Variants in PRPF18 observed in about 807,000 individuals in gnomAD.
PRPF18 encodes the protein pre-mRNA processing factor 18, also known as pre-mRNA-splicing factor 18.
Under a neutral mutation model 46.5 loss-of-function variants are expected in PRPF18, and 38 were observed. That is an observed-to-expected ratio of 0.82 (90% CI 0.63 to 1.07). PRPF18 has a LOEUF of 1.07. PRPF18 is among the 50% of genes least tolerant of loss of function. The pLI, the probability that PRPF18 is intolerant of heterozygous loss-of-function variation, is 0.00. For missense variants in PRPF18, 263 were observed against 410.0 expected, an observed-to-expected ratio of 0.64 and a Z score of 3.10; for synonymous variants, 152 against 146.7, an observed-to-expected ratio of 1.04 and a Z score of -0.26.
At chr10:13,599,757 C>T (rs573390585) in intron 2 of PRPF18, among the ~76,000 whole-genome samples, 57 of 152,246 alleles carry the variant, frequency 3.7e-4, no homozygotes, top group Middle Eastern at 3.4e-3. Flanking sequence ...TGGAATAATA[C>T]GTTTTGAAAA....
downstream of PRPF18, among the ~76,000 whole-genome samples, chr10:13,635,451 G>T (rs566222923): frequency 3.3e-4 from 50 of 152,284 alleles, no homozygotes; most frequent in African/African-American, 1.2e-3. Flanking sequence ...ACTGTCTCTA[G>T]GTCTTTGAAA....
At chr10:13,612,718 G>A (rs544839781) in intron 6 of PRPF18, among the ~76,000 whole-genome samples, 2 of 139,398 alleles carry the variant, frequency 1.4e-5, no homozygotes, top group South Asian at 2.3e-4. Flanking sequence ...CTGTAACCTT[G>A]AAATCCTGGG....
At chr10:13,628,583 AT>A (rs2080545473) in intron 9 of PRPF18, among the ~76,000 whole-genome samples, 1 of 151,784 alleles carries the variant, frequency 6.6e-6, no homozygotes, top group African/African-American at 2.4e-5. Flanking sequence ...TTTTCTGAAT[AT>A]TTTTTAACCA....
At chr10:13,651,993 G>C in the PRPF18 span, 1 of 1,413,658 alleles carries the variant, frequency 7.1e-7, no homozygotes, top group Non-Finnish European at 1.0e-6. Context: ...AGGAAAGCAG[G>C]AGGAGGAAGA....
At chr10:13,596,317 T>A (rs2080034721) in intron 1 of PRPF18, among the ~76,000 whole-genome samples, 1 of 152,208 alleles carries the variant, frequency 6.6e-6, no homozygotes, top group Non-Finnish European at 1.5e-5. Flanking sequence ...GCTGGGTAAT[T>A]CCTGTAGTAT....
intron 9 of PRPF18, among the ~76,000 whole-genome samples, chr10:13,620,266 A>C (rs187643154): frequency 2.6e-5 from 4 of 152,344 alleles, no homozygotes; most frequent in Admixed American, 6.5e-5. Flanking sequence ...TGTTCCAGTA[A>C]AACCATGTAG....
chr10:13,599,872 A>G (rs1042050358), intron 2 of PRPF18, among the ~76,000 whole-genome samples: 4 of 152,252 alleles, frequency 2.6e-5, no homozygotes, highest in South Asian at 2.1e-4. Context: ...ACCCTGCAAG[A>G]CAATTTAAAG....
chr10:13,624,707 T>A (rs1407360756), intron 9 of PRPF18, among the ~76,000 whole-genome samples: 2 of 152,220 alleles, frequency 1.3e-5, no homozygotes, highest in African/African-American at 4.8e-5. Context: ...CTTTCACCCC[T>A]CAGTTAGTAA....
At chr10:13,588,650 C>T (rs1251999949) in intron 1 of PRPF18, among the ~76,000 whole-genome samples, 1 of 152,042 alleles carries the variant, frequency 6.6e-6, no homozygotes, top group African/African-American at 2.4e-5. Context: ...TATTCCTCCT[C>T]CTTCTCTCTT....
At chr10:13,620,806 A>C (rs2080410827) in intron 9 of PRPF18, among the ~76,000 whole-genome samples, 1 of 152,236 alleles carries the variant, frequency 6.6e-6, no homozygotes, top group African/African-American at 2.4e-5. Flanking sequence ...GGTTTTATGC[A>C]AACCTCTGTA....
chr10:13,610,621 G>A (rs967646921), intron 5 of PRPF18, among the ~76,000 whole-genome samples: 36 of 152,168 alleles, frequency 2.4e-4, no homozygotes, highest in Middle Eastern at 3.4e-3. Context: ...CATGTGTTAC[G>A]CCATTCACTG....
intron 1 of PRPF18, chr10:13,592,149 C>T (rs1589116240): frequency 1.3e-5 from 8 of 606,024 alleles, no homozygotes; most frequent in South Asian, 4.4e-5. Context: ...CATAGCACAT[C>T]GGGAATACCT....
the PRPF18 span, chr10:13,652,108 C>CAGATCATACA: frequency 1.4e-6 from 1 of 692,696 alleles, no homozygotes; most frequent in African/African-American, 1.7e-5. Flanking sequence ...GAGTTAGCAA[C>CAGATCATACA]AGATCATACA....
intron 4 of PRPF18, among the ~76,000 whole-genome samples, chr10:13,607,229 T>C (rs1034947790): frequency 6.6e-6 from 1 of 151,652 alleles, no homozygotes; most frequent in Non-Finnish European, 1.5e-5. Flanking sequence ...GTAGCTGGGA[T>C]TACAGGCGCT....
chr10:13,637,547 C>T, the PRPF18 span, among the ~76,000 whole-genome samples: 1 of 152,092 alleles, frequency 6.6e-6, no homozygotes, highest in Non-Finnish European at 1.5e-5. Flanking sequence ...TTTTTTCTGA[C>T]TGATTTATAG....
intron 9 of PRPF18, among the ~76,000 whole-genome samples, chr10:13,620,314 C>A (rs750839785): frequency 9.9e-5 from 15 of 152,096 alleles, no homozygotes; most frequent in Non-Finnish European, 1.0e-4. Context: ...AGTTTGCTGC[C>A]CCGTAGTAAA....
chr10:13,613,928 A>G lies in PRPF18; in HGVS notation c.720+47A>G, dbSNP rs755279210. ...TTTTTTTAACTGACTTTAAAAATAC[A>G]GTATAAATTTAGAATAAATGCAGTC... On this transcript the variant is annotated intron_variant, in intron 7 of 9. Transcript: ENST00000378572. 7 of 1,583,818 alleles carry G rather than the reference A, an allele frequency of 4.4e-6. No homozygotes were observed. The South Asian group carries it at 5.8e-5, about 13-fold the overall frequency.
At position 13,610,189 on chromosome 10, in the gene PRPF18, A is replaced by G. The variant is rs767312750; in HGVS notation, c.510+4A>G. The G allele has an allele frequency of 1.2e-6, 2 of 1,612,318 alleles. No individual in the cohort carries two copies. The highest frequency in any genetic ancestry group is 1.3e-5 in the African/African-American group (1 of 74,872). On this transcript the variant is annotated splice_donor_region_variant and intron_variant, in intron 5 of 9. Coordinates refer to ENST00000378572, the MANE Select transcript of PRPF18 (RefSeq NM_003675.4). ...CACCACAATTGAAGAGTTAGAGGTA[A>G]TCTCTACACCAAGCCCAGCACATCC... is the stretch of plus-strand genomic sequence containing the variant.
chr10:13,609,288 C>G lies in PRPF18; in HGVS notation c.364-751C>G, dbSNP rs954329955. On this transcript the variant is annotated intron_variant, in intron 4 of 9. Transcript: ENST00000378572. ...AAATAGCATCCTTATTACAGCCCTA[C>G]GTAGTAGATGGTGCCATTACTCCTA... is the stretch of plus-strand genomic sequence containing the variant. 2.0e-5 allele frequency among the ~76,000 whole-genome samples: 3 copies of G among 152,178 alleles called. No homozygotes were observed. In the South Asian group the frequency reaches 6.2e-4, roughly 32 times the overall value.
Sources: gnomAD v4.1 joint callset for allele counts (sites outside exome capture counted in the v4.1 genomes callset) on GRCh38, gnomAD v4.1.1 for gene constraint, MANE v1.5 for transcripts, NCBI Gene and HGNC (gene_info 2026-07-23, HGNC 2026-07-21) for gene names.